EMILIN1: variants seen among roughly 807,000 people sequenced by gnomAD.
EMILIN1 encodes the protein EMILIN-1.
Under a neutral mutation model 82.4 loss-of-function variants are expected in EMILIN1, and 49 were observed. The ratio of observed to expected loss-of-function variants is 0.59; its 90% CI spans 0.47 to 0.75. The LOEUF (loss-of-function observed/expected upper bound fraction) is 0.75. Ranked by LOEUF, EMILIN1 falls within the 30% of genes least tolerant of loss-of-function variation. The probability of loss-of-function intolerance (pLI) is 0.00; values close to 1 mark genes in which losing one functional copy is unlikely to be tolerated. For missense variants in EMILIN1, 1,313 were observed against 1,366.4 expected (o/e 0.96, Z 0.62); for synonymous variants, 604 against 602.2 (o/e 1.00, Z -0.04).
At chr2:27,082,022 G>A in intron 3 of EMILIN1, 61 bp from the exon 4 acceptor site, 1 of 1,490,260 alleles carries the variant, frequency 6.7e-7, no homozygotes, top group South Asian at 1.3e-5. Context: ...GAGCTGGGGT[G>A]AGCAGGGGCC....
In EMILIN1 at chr2:27,086,299, G is replaced by C; in HGVS notation, c.*284G>C. On this transcript the variant is annotated 3_prime_UTR_variant, in exon 8 of 8. Coordinates refer to ENST00000380320, the MANE Select transcript of EMILIN1 (RefSeq NM_007046.4). ...CTCGCACCCTCCGCTCCCTCCACTG[G>C]CCCTCCAGGTCGATTCCCTGGGCTC... 1 of 340,980 alleles carries C rather than the reference G, an allele frequency of 2.9e-6. No homozygotes were observed. 21.1% of individuals were successfully genotyped at this position (340,980 alleles called of 1,614,324 possible). A position where few individuals can be genotyped will look rare whatever the true frequency, so the allele number is the denominator to read the frequency against.
In EMILIN1 at chr2:27,082,563, C is replaced by G; in HGVS notation, c.992C>G (p.Ala331Gly). The G allele has an allele frequency of 6.5e-7, 1 of 1,542,484 alleles. No homozygotes were observed. ...CTGCGAGCGATGGAGAAGCTGCTGG[C>G]CTCGGTGGAGGAGCGGCAACGGCAC... ...ERLRAMEKLL[A>G]SVEERQRHLA... Residue 331 changes from alanine (A) to glycine (G), a missense_variant, in exon 4 of 8, where the codon GCC (alanine) becomes GGC (glycine). Coordinates refer to ENST00000380320, the MANE Select transcript of EMILIN1 (RefSeq NM_007046.4).
Position 27,084,464 on chromosome 2 carries a change from CCCAGGCCCTGCTGGACCT to C in EMILIN1, c.2496_2513del (p.Pro833_Gly838del), listed in dbSNP as rs1669554152. 3.1e-6 allele frequency: 5 copies of C among 1,613,008 alleles called. No individual in the cohort carries two copies. The South Asian group carries it at 4.4e-5, about 14-fold the overall frequency. ...CAGGGCCTCCTGGGCTGCAGGGACCCCCAGGCCCTGCTGGACCTCCAGGATCACCAGGCAAGGACGGGC... is the reference window on the plus strand; with the variant it reads ...CAGGGCCTCCTGGGCTGCAGGGACCCCCAGGATCACCAGGCAAGGACGGGC... On this transcript the variant is annotated inframe_deletion, in exon 5 of 8. Transcript: ENST00000380320.
In EMILIN1 at chr2:27,079,199, A is replaced by C. The variant is rs1245262914; in HGVS notation, c.134A>C (p.Gln45Pro). The C allele has an allele frequency of 1.9e-6, 3 of 1,579,442 alleles. No homozygotes were observed. ...SSGALSPGGP[Q>P]AQIAPRPASR... ...GGGGCCCTCAGCCCCGGGGGGCCCCAGGCCCAGATTGCCCCCCGGCCAGCC... is the reference window on the plus strand; with the variant it reads ...GGGGCCCTCAGCCCCGGGGGGCCCCCGGCCCAGATTGCCCCCCGGCCAGCC... The change falls in exon 1 of 8, where the codon CAG becomes CCG. Residue 45 changes from glutamine to proline, a missense_variant. Gln to Pro is a moderately conservative substitution (Grantham distance 76). Transcript: ENST00000380320.
chr2:27,085,545 A>G, intron 7 of EMILIN1, 133 bp from the exon 8 acceptor site: 1 of 975,760 alleles, frequency 1.0e-6, no homozygotes, highest in Non-Finnish European at 1.5e-6. Context: ...TGCATAGTGA[A>G]CAAAGCCCCC....
In EMILIN1 at chr2:27,082,326, C is replaced by A. The variant is rs1384507968; in HGVS notation, c.755C>A (p.Ser252Tyr). 2 of 1,612,840 alleles carry A rather than the reference C, an allele frequency of 1.2e-6. No individual in the cohort carries two copies. Among genetic ancestry groups the A allele is most frequent in the East Asian group, 4.5e-5 (2 of 44,876 alleles). ...HQLQLLDTRV[S>Y]THDQELGHLN... ...CTGCAGCTCCTGGACACCCGCGTCT[C>A]CACCCACGACCAGGAGCTGGGTCAC... Residue 252 changes from serine (S) to tyrosine (Y), a missense_variant, in exon 4 of 8, where the codon TCC becomes TAC. By Grantham distance (144) the Ser-to-Tyr change is moderately radical. Coordinates refer to ENST00000380320, the MANE Select transcript of EMILIN1 (RefSeq NM_007046.4).
rs1467920034 is a variant in EMILIN1, at chr2:27,084,434, GC to G, written c.2465del (p.Pro822GlnfsTer56). The G allele has an allele frequency of 1.2e-6, 2 of 1,609,234 alleles. No individual in the cohort carries two copies. The highest frequency in any genetic ancestry group is 1.7e-5 in the Admixed American group (1 of 59,510). Reference protein sequence around the residue: ...DLTGPAGEAGPPGPPGLQGPP... With the variant: ...DLTGPAGEAGXPGPPGLQGPP... ...CTGTAGGGCCTGCAGGAGAGGCTGGGCCCCCAGGGCCTCCTGGGCTGCAGGG... is the reference window on the plus strand; with the variant it reads ...CTGTAGGGCCTGCAGGAGAGGCTGGGCCCCAGGGCCTCCTGGGCTGCAGGG... On this transcript the variant is annotated frameshift_variant, in exon 5 of 8. Transcript: ENST00000380320. LOFTEE classifies it high-confidence loss of function.
chr2:27,085,965 A>G lies in EMILIN1; in HGVS notation c.3001A>G (p.Ile1001Val). Residue 1001 changes from isoleucine to valine, a missense_variant, in exon 8 of 8, where the codon ATC becomes GTC. Physicochemically the swap from Ile to Val is conservative, Grantham distance 29. Coordinates refer to ENST00000380320, the MANE Select transcript of EMILIN1 (RefSeq NM_007046.4). ...QLAHSEEPLT[I>V]FSGALLYGDP... ...GGCGCACTCGGAGGAGCCGCTCACC[A>G]TCTTCAGCGGGGCCCTGCTCTATGG... 1 of 1,504,638 alleles carries G rather than the reference A, an allele frequency of 6.6e-7. No homozygotes were observed. The highest frequency in any genetic ancestry group is 8.9e-7 in the Non-Finnish European group (1 of 1,118,648). 93.2% of individuals were successfully genotyped at this position (1,504,638 alleles called of 1,614,324 possible). A position where few individuals can be genotyped will look rare whatever the true frequency, so the allele number is the denominator to read the frequency against.
rs1369464599 is a variant in EMILIN1 at position 27,086,070 on chromosome 2, G to C, written c.*55G>C. ...GGCTGAAGAGACAGCGGGGGCGGCG[G>C]GCTCCTGGGGTCTCGCCTGAGACGG... On this transcript the variant is annotated 3_prime_UTR_variant, in exon 8 of 8. Coordinates refer to ENST00000380320, the MANE Select transcript of EMILIN1 (RefSeq NM_007046.4). 1 of 1,310,128 alleles carries C rather than the reference G, an allele frequency of 7.6e-7. No homozygotes were observed. Among genetic ancestry groups the C allele is most frequent in the East Asian group, 2.7e-5 (1 of 37,508 alleles). 81.2% of individuals were successfully genotyped at this position (1,310,128 alleles called of 1,614,324 possible).
Position 27,082,867 on chromosome 2 carries a change from T to A in EMILIN1, c.1296T>A (p.Pro432=). 2 of 1,588,672 alleles carry A rather than the reference T, an allele frequency of 1.3e-6. No individual in the cohort carries two copies. Among genetic ancestry groups the A allele is most frequent in the Non-Finnish European group, 1.7e-6 (2 of 1,175,572 alleles). ...AGGAGGAGAGCTGGCCTGGGGCTCC[T>A]GGGGGGCTGAGCCACTGGCTGCCTG... ...EEQEESWPGA[P]GGLSHWLPAA... The change falls in exon 4 of 8, where the codon CCT becomes CCA. Residue 432 remains proline, a synonymous_variant. Coordinates refer to ENST00000380320, the MANE Select transcript of EMILIN1 (RefSeq NM_007046.4).
At position 27,078,996 on chromosome 2, in the gene EMILIN1, C is replaced by T. The variant is rs1669425974; in HGVS notation, c.-70C>T. 7.9e-7 allele frequency: 1 copy of T among 1,265,330 alleles called. No homozygotes were observed. The highest frequency in any genetic ancestry group is 1.1e-6 in the Non-Finnish European group (1 of 942,712). 78.4% of individuals were successfully genotyped at this position (1,265,330 alleles called of 1,614,324 possible). On this transcript the variant is annotated 5_prime_UTR_variant, in exon 1 of 8. Transcript: ENST00000380320. ...GGCTGTCCTGTGGAGCAGCAGCATC[C>T]CCGGGGCCGGCAGAGGCGCCAGTGG...
At chr2:27,082,059 C>T in intron 3 of EMILIN1, 24 bp from the exon 4 acceptor site, 1 of 1,577,114 alleles carries the variant, frequency 6.3e-7, no homozygotes, top group South Asian at 1.2e-5. Context: ...AGCCCCTCTG[C>T]CTTCTGCCTT....
chr2:27,085,622 T>C (rs1669599987), intron 7 of EMILIN1, 56 bp from the exon 8 acceptor site: 1 of 1,494,586 alleles, frequency 6.7e-7, no homozygotes, highest in Non-Finnish European at 9.1e-7. Context: ...GTCCAGGAGT[T>C]CTGGTGCGCT....
chr2:27,082,409 G>A lies in EMILIN1; in HGVS notation c.838G>A (p.Ala280Thr), dbSNP rs1199002885. The A allele has an allele frequency of 5.0e-6, 8 of 1,607,360 alleles. No homozygotes were observed. The highest frequency in any genetic ancestry group is 6.8e-6 in the Non-Finnish European group (8 of 1,178,532). The change falls in exon 4 of 8, where the codon GCC (alanine) becomes ACC (threonine). Residue 280 changes from alanine to threonine, a missense_variant. Coordinates refer to ENST00000380320, the MANE Select transcript of EMILIN1 (RefSeq NM_007046.4). ...SSGGSRAPAPASAPPGPSEEL... is the reference protein window; with the variant it reads ...SSGGSRAPAPTSAPPGPSEEL... ...TGGGGGCAGCAGGGCCCCAGCCCCAGCCTCAGCCCCTCCGGGCCCCAGTGA... is the reference window on the plus strand; with the variant it reads ...TGGGGGCAGCAGGGCCCCAGCCCCAACCTCAGCCCCTCCGGGCCCCAGTGA...
chr2:27,083,973 A>T lies in EMILIN1; in HGVS notation c.2402A>T (p.Glu801Val). The change falls in exon 4 of 8, where the codon GAG becomes GTG. Residue 801 changes from glutamate (E) to valine (V), a missense_variant. Transcript: ENST00000380320. ...CTTAACAGCTCCCTGCAGCTCCTGG[A>T]GGACCGTCTGCACCAGCTCAGCCTG... ...GALNSSLQLL[E>V]DRLHQLSLKD... The T allele has an allele frequency of 1.3e-6, 2 of 1,549,182 alleles. No individual in the cohort carries two copies. The highest frequency in any genetic ancestry group is 1.7e-6 in the Non-Finnish European group (2 of 1,143,660).
In EMILIN1 at chr2:27,086,231, C is replaced by T; in HGVS notation, c.*216C>T. The T allele has an allele frequency of 2.7e-6, 1 of 377,264 alleles. No homozygotes were observed. Among genetic ancestry groups the T allele is most frequent in the East Asian group, 3.9e-5 (1 of 25,740 alleles). 23.4% of individuals were successfully genotyped at this position (377,264 alleles called of 1,614,324 possible). A position where few individuals can be genotyped will look rare whatever the true frequency, so the allele number is the denominator to read the frequency against. ...ATGCAGACTTTTGGCCTGGCGCGAT[C>T]CCCCAAGAACCCCTCCAGGGCCGGC... On this transcript the variant is annotated 3_prime_UTR_variant, in exon 8 of 8. Transcript: ENST00000380320.
At chr2:27,081,108 C>CCTGCCCGT in intron 3 of EMILIN1, among the ~76,000 whole-genome samples, 156 bp downstream of exon 3, 1 of 142,656 alleles carries the variant, frequency 7.0e-6, no homozygotes, top group South Asian at 2.4e-4. Context: ...ATTCCCTGCC[C>CCTGCCCGT]GTGTGTGTGT....
intron 3 of EMILIN1, 65 bp downstream of exon 3, chr2:27,081,017 T>G: frequency 7.8e-7 from 1 of 1,281,158 alleles, no homozygotes; most frequent in Non-Finnish European, 1.1e-6. Flanking sequence ...ATGGGAAATG[T>G]GGGGCCAGGC....
At chr2:27,079,580 T>C (rs928160912) in intron 1 of EMILIN1, among the ~76,000 whole-genome samples, 30 of 152,156 alleles carry the variant, frequency 2.0e-4, no homozygotes, top group African/African-American at 6.5e-4. Context: ...CCCCATCCAG[T>C]AATCCATAAT....
Sources: gnomAD v4.1 joint callset for allele counts (sites outside exome capture counted in the v4.1 genomes callset) on GRCh38, gnomAD v4.1.1 for gene constraint, MANE v1.5 for transcripts, NCBI Gene and HGNC (gene_info 2026-07-23, HGNC 2026-07-21) for gene names.